EPB41L2: variants seen among roughly 807,000 people sequenced by gnomAD.
EPB41L2 encodes erythrocyte membrane protein band 4.1 like 2.
In EPB41L2, 43 loss-of-function variants were observed where a neutral mutation model predicts 113.0. That is an observed-to-expected ratio of 0.38 (90% CI 0.30 to 0.49). EPB41L2 has a LOEUF of 0.49. EPB41L2 is among the 20% of genes least tolerant of loss of function. The pLI, the probability that EPB41L2 is intolerant of heterozygous loss-of-function variation, is 0.95. For synonymous variants in EPB41L2, 442 were observed against 436.7 expected (o/e 1.01, Z -0.15); for missense variants, 1,147 against 1,223.4 (o/e 0.94, Z 0.93).
chr6:130,858,682 G>C (rs1241168145), intron 18 of EPB41L2, among the ~76,000 whole-genome samples: 1 of 152,260 alleles, frequency 6.6e-6, no homozygotes, highest in Non-Finnish European at 1.5e-5. Flanking sequence ...GATACTAGCT[G>C]TCACCCAATT....
chr6:131,030,015 G>A (rs543501396), intron 1 of EPB41L2, among the ~76,000 whole-genome samples: 9 of 151,544 alleles, frequency 5.9e-5, no homozygotes, highest in African/African-American at 1.9e-4. Context: ...CAGAACCACT[G>A]TTCGCAGTTC....
chr6:130,916,095 A>T (rs1055727929), intron 4 of EPB41L2, among the ~76,000 whole-genome samples: 1 of 152,186 alleles, frequency 6.6e-6, no homozygotes, highest in South Asian at 2.1e-4. Context: ...CATTGAAAAC[A>T]CTGTTCTGAG....
In EPB41L2 at chr6:130,982,430, T is replaced by A. The variant is rs116844607; in HGVS notation, c.-14-25931A>T. 5.4e-3 allele frequency among the ~76,000 whole-genome samples: 816 copies of A among 152,290 alleles called. 4 individuals are homozygous for A. Among genetic ancestry groups the A allele is most frequent in the Non-Finnish European group, 7.1e-3 (482 of 68,000 alleles). ...AAGTGTCAGATATTCTCCAATTCTT[T>A]GGAAGGGAAGTTAATGACAGACAGG... On this transcript the variant is annotated intron_variant, in intron 1 of 19. Transcript: ENST00000337057.
intron 1 of EPB41L2, among the ~76,000 whole-genome samples, chr6:130,972,090 G>A (rs567444600): frequency 3.1e-4 from 47 of 152,202 alleles, no homozygotes; most frequent in South Asian, 2.7e-3. Context: ...TTGTGAGGCC[G>A]ATGTGGACGA....
intron 5 of EPB41L2, among the ~76,000 whole-genome samples, chr6:130,905,933 CACT>C (rs1172786830): frequency 1.3e-5 from 2 of 152,114 alleles, no homozygotes; most frequent in Non-Finnish European, 2.9e-5. Context: ...CTCAATGCAC[CACT>C]GATTCAACCA....
intron 1 of EPB41L2, among the ~76,000 whole-genome samples, chr6:130,991,268 G>T (rs1459322104): frequency 6.6e-6 from 1 of 152,112 alleles, no homozygotes; most frequent in African/African-American, 2.4e-5. Context: ...TACCCCCACA[G>T]CTATGTCCTC....
intron 1 of EPB41L2, among the ~76,000 whole-genome samples, chr6:131,041,386 C>G (rs1159335376): frequency 6.6e-6 from 1 of 152,142 alleles, no homozygotes; most frequent in Non-Finnish European, 1.5e-5. Context: ...GGAAATCAAG[C>G]TTTTCCCATC....
chr6:130,859,502 C>T (rs1487932092), intron 18 of EPB41L2, among the ~76,000 whole-genome samples: 2 of 129,322 alleles, frequency 1.5e-5, no homozygotes, highest in African/African-American at 2.8e-5. Flanking sequence ...CAGAGTGAGA[C>T]TTTGTCTCAA....
At chr6:130,911,382 TA>T (rs970566843) in intron 4 of EPB41L2, among the ~76,000 whole-genome samples, 6 of 151,974 alleles carry the variant, frequency 3.9e-5, no homozygotes, top group African/African-American at 1.2e-4. Flanking sequence ...TGTGGGGGGC[TA>T]GGGGAGGGAC....
chr6:130,914,470 T>A (rs968766227), intron 4 of EPB41L2, among the ~76,000 whole-genome samples: 2 of 152,222 alleles, frequency 1.3e-5, no homozygotes, highest in African/African-American at 4.8e-5. Context: ...TCTATATGAC[T>A]AGTCTAAGAG....
At chr6:131,062,483 AAACACGC>A (rs1798865966) in intron 1 of EPB41L2, 1 of 151,856 alleles carries the variant, frequency 6.6e-6, no homozygotes, top group Non-Finnish European at 1.5e-5. Context: ...TCGGAGCACG[AAACACGC>A]GTCCCTCTCC....
intron 19 of EPB41L2, among the ~76,000 whole-genome samples, chr6:130,845,198 T>C (rs936803421): frequency 5.3e-5 from 8 of 152,352 alleles, no homozygotes; most frequent in African/African-American, 1.9e-4. Context: ...TGAGGACTGC[T>C]GAGTCTCTTT....
At chr6:130,927,459 T>C (rs904857363) in intron 3 of EPB41L2, among the ~76,000 whole-genome samples, 24 of 152,116 alleles carry the variant, frequency 1.6e-4, no homozygotes, top group Admixed American at 8.5e-4. Flanking sequence ...TCATCTCCAA[T>C]TAAGATGCAC....
At chr6:131,003,315 A>T (rs1174351683) in intron 1 of EPB41L2, among the ~76,000 whole-genome samples, 1 of 152,268 alleles carries the variant, frequency 6.6e-6, no homozygotes, top group East Asian at 1.9e-4. Context: ...TAATTTTAAC[A>T]GTGAAGGTGG....
chr6:130,954,245 G>A (rs1816613903), intron 3 of EPB41L2, among the ~76,000 whole-genome samples: 1 of 151,756 alleles, frequency 6.6e-6, no homozygotes, highest in East Asian at 1.9e-4. Flanking sequence ...AGTAGAGACA[G>A]GGTTTCACCA....
intron 1 of EPB41L2, among the ~76,000 whole-genome samples, chr6:131,027,220 G>C (rs987732113): frequency 1.3e-5 from 2 of 152,090 alleles, no homozygotes; most frequent in Admixed American, 1.3e-4. Flanking sequence ...TGGAGTTATT[G>C]GTTTTTTTGT....
intron 16 of EPB41L2, 28 bp downstream of exon 16, chr6:130,867,431 G>A (rs1227705384): frequency 1.6e-5 from 25 of 1,609,596 alleles, no homozygotes; most frequent in South Asian, 7.8e-5. Flanking sequence ...AAAAGAGCTC[G>A]AACAGTCCAA....
chr6:131,009,183 C>T (rs904830396), intron 1 of EPB41L2, among the ~76,000 whole-genome samples: 19 of 152,122 alleles, frequency 1.2e-4, no homozygotes, highest in African/African-American at 4.3e-4. Flanking sequence ...GGCAGTTCCC[C>T]AAGCTGTTCT....
At chr6:130,953,557 A>G (rs1250762619) in intron 3 of EPB41L2, among the ~76,000 whole-genome samples, 5 of 152,192 alleles carry the variant, frequency 3.3e-5, no homozygotes, top group African/African-American at 1.2e-4. Context: ...TAGGAGATAT[A>G]CTTAATTTAA....
Sources: gnomAD v4.1 joint callset for allele counts (sites outside exome capture counted in the v4.1 genomes callset) on GRCh38, gnomAD v4.1.1 for gene constraint, MANE v1.5 for transcripts, NCBI Gene and HGNC (gene_info 2026-07-23, HGNC 2026-07-21) for gene names.